TUSC3: variants seen among roughly 807,000 people sequenced by gnomAD.
The protein encoded by TUSC3 is tumor suppressor candidate 3.
A neutral mutation model predicts 44.8 loss-of-function variants in TUSC3; 45 were observed. That is an observed-to-expected ratio of 1.00 (90% CI 0.79 to 1.29). TUSC3 has a LOEUF of 1.29. Among genes scored for constraint, TUSC3 ranks in the 50% most tolerant of loss-of-function variants. TUSC3 has a pLI of 0.00. For missense variants in TUSC3, 519 were observed against 437.9 expected, an observed-to-expected ratio of 1.19 and a Z score of -1.65; for synonymous variants, 212 against 152.9, an observed-to-expected ratio of 1.39 and a Z score of -2.85.
At chr8:15,530,257 CTG>C (rs1801432375) in intron 2 of TUSC3, among the ~76,000 whole-genome samples, 1 of 152,036 alleles carries the variant, frequency 6.6e-6, no homozygotes, top group Non-Finnish European at 1.5e-5. Flanking sequence ...CACTGAATAT[CTG>C]TGCATTTTCT....
chr8:15,735,723 G>A (rs1278555109), intron 7 of TUSC3, among the ~76,000 whole-genome samples: 1 of 152,076 alleles, frequency 6.6e-6, no homozygotes, highest in Non-Finnish European at 1.5e-5. Flanking sequence ...TTGAGACGGA[G>A]TCTCACTTCT....
intron 1 of TUSC3, among the ~76,000 whole-genome samples, chr8:15,597,087 G>T (rs1425438778): frequency 1.3e-5 from 2 of 152,092 alleles, no homozygotes; most frequent in African/African-American, 4.8e-5. Context: ...GGTACAGTAG[G>T]AAGAGGTCAG....
intron 8 of TUSC3, among the ~76,000 whole-genome samples, chr8:15,746,256 A>G (rs968066293): frequency 2.0e-5 from 3 of 151,560 alleles, no homozygotes; most frequent in Non-Finnish European, 2.9e-5. Context: ...ACCGTTTTCA[A>G]CTCCTCTCTT....
the TUSC3 span, among the ~76,000 whole-genome samples, chr8:15,801,694 G>A: frequency 1.3e-5 from 2 of 152,152 alleles, no homozygotes; most frequent in African/African-American, 4.8e-5. Context: ...GCTGTATGGG[G>A]CTGGGTGTGG....
At chr8:15,531,658 C>A (rs1482681570) in intron 2 of TUSC3, among the ~76,000 whole-genome samples, 4 of 152,180 alleles carry the variant, frequency 2.6e-5, no homozygotes. Context: ...TCTGAGAAGG[C>A]AAGAATTGAA....
chr8:15,554,580 G>C (rs1035113602), intron 1 of TUSC3, among the ~76,000 whole-genome samples: 1 of 148,360 alleles, frequency 6.7e-6, no homozygotes, highest in Non-Finnish European at 1.5e-5. Flanking sequence ...AAGGACTGTT[G>C]ACTTTTGCAT....
intron 1 of TUSC3, among the ~76,000 whole-genome samples, chr8:15,544,818 G>C (rs1343865944): frequency 6.6e-6 from 1 of 151,774 alleles, no homozygotes; most frequent in Non-Finnish European, 1.5e-5. Flanking sequence ...TATAGGTGCA[G>C]GCAATGTGAT....
chr8:15,735,877 T>TGG (rs35590102), intron 7 of TUSC3, among the ~76,000 whole-genome samples: 1 of 11,802 alleles, frequency 8.5e-5, no homozygotes, highest in East Asian at 2.7e-3. Context: ...TGGGTTTTTT[T>TGG]TTTTTGTTTT....
At chr8:15,489,100 G>T (rs1800772766) in intron 2 of TUSC3, among the ~76,000 whole-genome samples, 1 of 152,164 alleles carries the variant, frequency 6.6e-6, no homozygotes, top group African/African-American at 2.4e-5. Context: ...CTGAAAACAT[G>T]TGTCCAACAT....
At chr8:15,572,724 G>A (rs140749515) in intron 1 of TUSC3, among the ~76,000 whole-genome samples, 2 of 152,090 alleles carry the variant, frequency 1.3e-5, no homozygotes, top group Non-Finnish European at 2.9e-5. Flanking sequence ...TCATTGTTGG[G>A]TTATTCATTG....
chr8:15,615,090 T>G (rs1289992843), intron 1 of TUSC3, among the ~76,000 whole-genome samples: 3 of 152,178 alleles, frequency 2.0e-5, no homozygotes, highest in African/African-American at 7.2e-5. Context: ...ACCATAATAT[T>G]CAGCAATCTC....
chr8:15,836,314 A>T, the TUSC3 span, among the ~76,000 whole-genome samples: 5 of 145,672 alleles, frequency 3.4e-5, no homozygotes, highest in Non-Finnish European at 7.5e-5. Context: ...TGCCTCTACT[A>T]AAAATACTTA....
chr8:15,654,656 G>T (rs745527391), intron 3 of TUSC3, among the ~76,000 whole-genome samples: 1 of 152,090 alleles, frequency 6.6e-6, no homozygotes, highest in Non-Finnish European at 1.5e-5. Context: ...AATTAGCCAG[G>T]TGTGATGGCA....
intron 1 of TUSC3, among the ~76,000 whole-genome samples, chr8:15,451,271 G>A (rs187373462): frequency 1.1e-4 from 16 of 152,244 alleles, no homozygotes; most frequent in Admixed American, 1.0e-3. Context: ...CTGAAACCCT[G>A]GAATCCCTTT....
intron 2 of TUSC3, among the ~76,000 whole-genome samples, chr8:15,526,555 G>A (rs1801375317): frequency 6.6e-6 from 1 of 151,704 alleles, no homozygotes; most frequent in Non-Finnish European, 1.5e-5. Flanking sequence ...TAAGTCTCAG[G>A]AGATCTTATC....
At chr8:15,807,395 CT>C in the TUSC3 span, 1 of 289,364 alleles carries the variant, frequency 3.5e-6, no homozygotes, top group Non-Finnish European at 6.5e-6. Flanking sequence ...GAAGGCAATG[CT>C]TATACACTGT....
At chr8:15,449,780 T>G (rs1463520863) in intron 1 of TUSC3, among the ~76,000 whole-genome samples, 1 of 152,204 alleles carries the variant, frequency 6.6e-6, no homozygotes. Flanking sequence ...CAGCTTTCAG[T>G]CCTGCAAATT....
chr8:15,498,045 C>T (rs981239171), intron 2 of TUSC3, among the ~76,000 whole-genome samples: 6 of 152,070 alleles, frequency 3.9e-5, no homozygotes, highest in East Asian at 1.9e-4. Context: ...CCACTGTGCC[C>T]GGCTCTGTTT....
chr8:15,513,673 C>T (rs950328970), intron 2 of TUSC3, among the ~76,000 whole-genome samples: 9 of 152,072 alleles, frequency 5.9e-5, no homozygotes, highest in Non-Finnish European at 1.3e-4. Context: ...GAGTTACAGT[C>T]GTTTTGGGTA....
Sources: allele counts gnomAD v4.1 joint callset (sites outside exome capture counted in the v4.1 genomes callset), GRCh38; gene constraint gnomAD v4.1.1; transcripts MANE v1.5; gene names NCBI Gene and HGNC (gene_info 2026-07-23, HGNC 2026-07-21).